Variants in MALRD1 observed in about 807,000 individuals in gnomAD.
The protein encoded by MALRD1 is MAM and LDL receptor class A domain containing 1, also known as MAM and LDL-receptor class A domain-containing protein 1.
In MALRD1, 247 loss-of-function variants were observed where a neutral mutation model predicts 242.1. The ratio of observed to expected loss-of-function variants is 1.02; its 90% CI spans 0.92 to 1.13. The LOEUF (loss-of-function observed/expected upper bound fraction) is 1.13, where lower values mean the gene tolerates loss of function less well. Among genes scored for constraint, MALRD1 ranks in the 50% most tolerant of loss-of-function variants. The pLI is 0.00. For missense variants in MALRD1, 2,989 were observed against 2,533.1 expected, an observed-to-expected ratio of 1.18 and a Z score of -3.86; for synonymous variants, 995 against 866.6, an observed-to-expected ratio of 1.15 and a Z score of -2.60.
At chr10:19,523,271 C>T (rs1833958782) in intron 31 of MALRD1, among the ~76,000 whole-genome samples, 1 of 152,166 alleles carries the variant, frequency 6.6e-6, no homozygotes, top group Non-Finnish European at 1.5e-5. Flanking sequence ...ATCCTGCCTA[C>T]AGTTCTGCCC....
chr10:19,587,116 G>A (rs1422465118), intron 33 of MALRD1, among the ~76,000 whole-genome samples: 5 of 152,262 alleles, frequency 3.3e-5, no homozygotes, highest in African/African-American at 1.2e-4. Flanking sequence ...ACTGACCTGC[G>A]TCCACTGTCT....
intron 18 of MALRD1, among the ~76,000 whole-genome samples, chr10:19,211,684 CAAAAAAAAAAAAAAAAAA>C (rs71387056): frequency 1.5e-5 from 1 of 67,324 alleles, no homozygotes; most frequent in East Asian, 5.5e-4. Context: ...TGACTCCTCA[CAAAAAAAAAAAAAAAAAA>C]AAAAAAAAAA....
intron 23 of MALRD1, among the ~76,000 whole-genome samples, chr10:19,328,209 C>T (rs1032619683): frequency 6.6e-6 from 1 of 151,944 alleles, no homozygotes; most frequent in African/African-American, 2.4e-5. Context: ...AGTACTAGTA[C>T]GAAGATGAAA....
intron 19 of MALRD1, among the ~76,000 whole-genome samples, chr10:19,277,614 CAT>C (rs1840593345): frequency 6.6e-6 from 1 of 152,178 alleles, no homozygotes; most frequent in Admixed American, 6.5e-5. Context: ...GCCTGGAAGA[CAT>C]AGTTCGGGGT....
At chr10:19,657,676 T>C (rs1306381003) in intron 36 of MALRD1, among the ~76,000 whole-genome samples, 2 of 152,178 alleles carry the variant, frequency 1.3e-5, no homozygotes, top group African/African-American at 4.8e-5. Context: ...ACCTCAAGCA[T>C]TTATGTTTTG....
intron 19 of MALRD1, among the ~76,000 whole-genome samples, chr10:19,279,519 C>G (rs1840703387): frequency 6.6e-6 from 1 of 152,132 alleles, no homozygotes; most frequent in African/African-American, 2.4e-5. Flanking sequence ...GTCTTCCATC[C>G]TCAGTAATTT....
chr10:19,497,736 G>T (rs984656910), intron 30 of MALRD1, among the ~76,000 whole-genome samples: 1 of 152,104 alleles, frequency 6.6e-6, no homozygotes, highest in Non-Finnish European at 1.5e-5. Flanking sequence ...AAATCACCCA[G>T]TCATTCATTC....
At chr10:19,594,003 C>T (rs1412565836) in intron 33 of MALRD1, among the ~76,000 whole-genome samples, 1 of 152,140 alleles carries the variant, frequency 6.6e-6, no homozygotes, top group Non-Finnish European at 1.5e-5. Context: ...GTGACAAAAC[C>T]ATAGCGGATC....
At chr10:19,614,225 C>T (rs931388521) in intron 35 of MALRD1, among the ~76,000 whole-genome samples, 11 of 152,046 alleles carry the variant, frequency 7.2e-5, no homozygotes, top group Non-Finnish European at 2.9e-5. Flanking sequence ...AACTACCTTA[C>T]CCAATACTAC....
intron 14 of MALRD1, among the ~76,000 whole-genome samples, chr10:19,193,882 C>T (rs1836112363): frequency 6.6e-6 from 1 of 150,976 alleles, no homozygotes; most frequent in Non-Finnish European, 1.5e-5. Context: ...AATGCAAAGA[C>T]AATATAAATA....
chr10:19,177,812 T>G (rs557113799), intron 14 of MALRD1, among the ~76,000 whole-genome samples: 3 of 152,278 alleles, frequency 2.0e-5, no homozygotes, highest in African/African-American at 7.2e-5. Flanking sequence ...AAAGCCTCTG[T>G]GTTCAGAGTC....
At chr10:19,079,525 T>A (rs917002813) in intron 2 of MALRD1, among the ~76,000 whole-genome samples, 1 of 151,938 alleles carries the variant, frequency 6.6e-6, no homozygotes, top group Admixed American at 6.6e-5. Context: ...TCAAGTTTTC[T>A]ATTTTCTTGC....
At chr10:19,238,808 G>T (rs1225592766) in intron 18 of MALRD1, among the ~76,000 whole-genome samples, 5 of 148,996 alleles carry the variant, frequency 3.4e-5, no homozygotes, top group African/African-American at 9.9e-5. Flanking sequence ...ATAAAGTTTT[G>T]CTTAATGGTT....
At chr10:19,357,464 G>A (rs1844688726) in intron 26 of MALRD1, among the ~76,000 whole-genome samples, 1 of 151,850 alleles carries the variant, frequency 6.6e-6, no homozygotes, top group Non-Finnish European at 1.5e-5. Context: ...AGTAAACCTT[G>A]TTTATTTGCA....
intron 7 of MALRD1, among the ~76,000 whole-genome samples, chr10:19,125,665 TA>T (rs1752850284): frequency 6.6e-6 from 1 of 151,878 alleles, no homozygotes; most frequent in African/African-American, 2.4e-5. Context: ...GTATATTCTT[TA>T]TATGAAATTT....
intron 21 of MALRD1, among the ~76,000 whole-genome samples, chr10:19,303,267 T>C (rs562695606): frequency 4.0e-5 from 6 of 151,528 alleles, no homozygotes; most frequent in Non-Finnish European, 8.9e-5. Flanking sequence ...AAAATAGACA[T>C]TAGGTCAAAA....
At chr10:19,387,995 T>C (rs1034785865) in intron 27 of MALRD1, among the ~76,000 whole-genome samples, 34 of 152,276 alleles carry the variant, frequency 2.2e-4, no homozygotes, top group African/African-American at 7.5e-4. Flanking sequence ...TTCTGCATGC[T>C]GGAAGTTCAA....
intron 18 of MALRD1, among the ~76,000 whole-genome samples, chr10:19,233,065 T>C (rs1375669775): frequency 6.6e-6 from 1 of 152,216 alleles, no homozygotes; most frequent in Non-Finnish European, 1.5e-5. Context: ...TTTTCATTAT[T>C]TTATAAAATT....
intron 5 of MALRD1, among the ~76,000 whole-genome samples, chr10:19,109,493 G>A (rs535024009): frequency 4.6e-5 from 7 of 152,340 alleles, no homozygotes; most frequent in African/African-American, 1.7e-4. Flanking sequence ...CATCTCATAA[G>A]CTTGGCCACC....
Sources: allele counts gnomAD v4.1 joint callset (sites outside exome capture counted in the v4.1 genomes callset), GRCh38; gene constraint gnomAD v4.1.1; transcripts MANE v1.5; gene names NCBI Gene and HGNC (gene_info 2026-07-23, HGNC 2026-07-21).